The following EFCAB7 variants were observed in gnomAD, a reference collection of about 807,000 sequenced individuals.
EFCAB7 encodes the protein EF-hand calcium binding domain 7.
Under a neutral mutation model 77.1 loss-of-function variants are expected in EFCAB7, and 66 were observed. The ratio of observed to expected loss-of-function variants is 0.86; its 90% CI spans 0.70 to 1.05. The LOEUF (loss-of-function observed/expected upper bound fraction) is 1.05, where lower values mean the gene tolerates loss of function less well. Ranked by LOEUF, EFCAB7 falls within the 50% of genes least tolerant of loss-of-function variation. EFCAB7 has a pLI of 0.00. For synonymous variants in EFCAB7, 225 were observed against 243.3 expected, an observed-to-expected ratio of 0.92 and a Z score of 0.70; for missense variants, 638 against 730.5, an observed-to-expected ratio of 0.87 and a Z score of 1.46.
chr1:63,537,092 A>G (rs1646772139), intron 6 of EFCAB7, among the ~76,000 whole-genome samples: 1 of 152,236 alleles, frequency 6.6e-6, no homozygotes, highest in Non-Finnish European at 1.5e-5. Flanking sequence ...TAAGATCCTT[A>G]CAGGTACTAT....
chr1:63,561,072 C>G (rs958988555), intron 10 of EFCAB7, among the ~76,000 whole-genome samples: 1 of 152,194 alleles, frequency 6.6e-6, no homozygotes, highest in Non-Finnish European at 1.5e-5. Flanking sequence ...TGTCTAGATA[C>G]TTCTAGGTAA....
intron 10 of EFCAB7, among the ~76,000 whole-genome samples, chr1:63,559,339 T>C (rs1647067737): frequency 6.7e-6 from 1 of 148,308 alleles, no homozygotes. Context: ...AAATCTTCCA[T>C]ATATTCCTCC....
At chr1:63,532,876 T>G in intron 4 of EFCAB7, 120 bp downstream of exon 4, 1 of 713,190 alleles carries the variant, frequency 1.4e-6, no homozygotes, top group Admixed American at 3.4e-5. Flanking sequence ...TTGATATATG[T>G]ATACATTGTG....
chr1:63,556,477 T>C (rs1374526299), intron 9 of EFCAB7, among the ~76,000 whole-genome samples: 1 of 152,136 alleles, frequency 6.6e-6, no homozygotes, highest in Non-Finnish European at 1.5e-5. Context: ...CAAGTCAACT[T>C]CAGTCAAACA....
In EFCAB7 at chr1:63,534,790, C is replaced by T. The variant is rs190843147; in HGVS notation, c.804+574C>T. On this transcript the variant is annotated intron_variant, in intron 6 of 13. Coordinates refer to ENST00000371088, the MANE Select transcript of EFCAB7 (RefSeq NM_032437.4). ...AAATGGTTATGACCACATACTATAA[C>T]TGCTGTTAGAAAACTGAACTGATTG... Among the ~76,000 whole-genome samples the T allele has an allele frequency of 3.4e-3, 522 of 152,210 alleles. 2 individuals are homozygous for T. The highest frequency in any genetic ancestry group is 7.8e-3 in the Admixed American group (119 of 15,282).
chr1:63,551,925 C>G, intron 8 of EFCAB7, 91 bp downstream of exon 8: 1 of 627,858 alleles, frequency 1.6e-6, no homozygotes, highest in South Asian at 4.3e-5. Context: ...ATTTTTTAAG[C>G]TTTCATATAC....
In EFCAB7 at chr1:63,560,807, C is replaced by T. The variant is rs374867329; in HGVS notation, c.1349-902C>T. Among the ~76,000 whole-genome samples, 10 of 152,310 alleles carry T rather than the reference C, an allele frequency of 6.6e-5. No individual in the cohort carries two copies. The East Asian group carries it at 1.9e-3, about 29-fold the overall frequency. On this transcript the variant is annotated intron_variant, in intron 10 of 13. Coordinates refer to ENST00000371088, the MANE Select transcript of EFCAB7 (RefSeq NM_032437.4). ...AAAGTGCTGGGATTACAGGCGTGAG[C>T]CACCGTGCCCGGCTTCTAAATGTTT...
intron 10 of EFCAB7, among the ~76,000 whole-genome samples, chr1:63,558,757 G>A (rs1021350363): frequency 6.6e-6 from 1 of 151,718 alleles, no homozygotes; most frequent in African/African-American, 2.4e-5. Context: ...GCTTTATTTT[G>A]TTTATTTATT....
intron 11 of EFCAB7, among the ~76,000 whole-genome samples, chr1:63,566,156 C>G (rs1308766493): frequency 2.0e-5 from 3 of 152,182 alleles, no homozygotes; most frequent in Non-Finnish European, 4.4e-5. Flanking sequence ...CCATGGGATA[C>G]TATACAGCCA....
chr1:63,532,007 T>C lies in EFCAB7; in HGVS notation c.375T>C (p.Thr125=), dbSNP rs1197058990. ...DVNDDGCILH[T]DLYKFLTKRG... ...ATGATGATGGCTGTATTTTACACAC[T>C]GACCTTTATAAATTTCTAACAAAGG... Residue 125 remains threonine (T), a synonymous_variant, in exon 3 of 14, where the codon ACT becomes ACC. Coordinates refer to ENST00000371088, the MANE Select transcript of EFCAB7 (RefSeq NM_032437.4). The C allele has an allele frequency of 6.2e-7, 1 of 1,609,704 alleles. No individual in the cohort carries two copies. Among genetic ancestry groups the C allele is most frequent in the African/African-American group, 1.3e-5 (1 of 74,700 alleles).
chr1:63,531,973 T>G lies in EFCAB7; in HGVS notation c.341T>G (p.Leu114Ter), dbSNP rs774230842. 6.8e-6 allele frequency: 11 copies of G among 1,612,384 alleles called. No homozygotes were observed. Among genetic ancestry groups the G allele is most frequent in the Non-Finnish European group, 9.3e-6 (11 of 1,178,960 alleles). Residue 114 changes from leucine to a stop codon, truncating the protein, a stop_gained, in exon 3 of 14, where the codon TTA (leucine) becomes TGA (stop). Transcript: ENST00000371088. LOFTEE classifies it high-confidence loss of function. Reference sequence around the variant, plus strand: ...GAACTACTAAAATCATTTAAGCAATTAGATGTAAATGATGATGGCTGTATT... The same window carrying G: ...GAACTACTAAAATCATTTAAGCAATGAGATGTAAATGATGATGGCTGTATT... The part of the protein sequence containing the change: ...KAELLKSFKQ[L>*]DVNDDGCILH...
In EFCAB7 at chr1:63,562,448, TTTATATATATATATATATATATA is replaced by T. The variant is rs1557687194; in HGVS notation, c.1497+593_1497+615del. Among the ~76,000 whole-genome samples, 237 of 44,882 alleles carry T rather than the reference TTTATATATATATATATATATATA, an allele frequency of 5.3e-3. 2 individuals carry two copies. Among genetic ancestry groups the T allele is most frequent in the East Asian group, 0.047 (75 of 1,586 alleles). The allele number at this position is 44,882 out of a possible 152,430, so 29.4% of individuals were successfully genotyped here. On this transcript the variant is annotated intron_variant, in intron 11 of 13. Transcript: ENST00000371088. ...TTAAAAATTAGGCCTTCTTAATTTA[TTTATATATATATATATATATATA>T]TATATATATATATATATATATATAA...
intron 8 of EFCAB7, among the ~76,000 whole-genome samples, chr1:63,553,422 C>G (rs12117543): frequency 0.15 from 23,408 of 152,052 alleles, 2,244 homozygotes; most frequent in South Asian, 0.22. Context: ...TCACTGCAAC[C>G]TCCGCCTCCC....
At chr1:63,573,680 T>C (rs533468954), downstream of EFCAB7, among the ~76,000 whole-genome samples, 4 of 152,206 alleles carry the variant, frequency 2.6e-5, no homozygotes, top group South Asian at 6.2e-4. Flanking sequence ...GACAAGTTTT[T>C]TGGGGCACAG....
At chr1:63,580,197 C>T in the EFCAB7 span, among the ~76,000 whole-genome samples, 2 of 152,178 alleles carry the variant, frequency 1.3e-5, no homozygotes, top group Non-Finnish European at 2.9e-5. Context: ...TATAGTTTTA[C>T]TTCATACATT....
At chr1:63,535,830 A>G (rs889562027) in intron 6 of EFCAB7, among the ~76,000 whole-genome samples, 1 of 152,040 alleles carries the variant, frequency 6.6e-6, no homozygotes, top group Non-Finnish European at 1.5e-5. Flanking sequence ...CTTGTATGGG[A>G]ACGACATGAT....
chr1:63,572,292 T>C lies in EFCAB7; in HGVS notation c.1816-150T>C, dbSNP rs1647284890. ...ATCCTGTTAGACCTCAGATCATAGA[T>C]TGCTAGTCTCTGCTAAGGACAAATA... On this transcript the variant is annotated intron_variant, in intron 13 of 13. Coordinates refer to ENST00000371088, the MANE Select transcript of EFCAB7 (RefSeq NM_032437.4). 7 of 537,378 alleles carry C rather than the reference T, an allele frequency of 1.3e-5. No individual in the cohort carries two copies. In the South Asian group the frequency reaches 2.0e-4, roughly 16 times the overall value. The allele number at this position is 537,378 out of a possible 1,614,324, so 33.3% of individuals were successfully genotyped here. A position where few individuals can be genotyped will look rare whatever the true frequency, so the allele number is the denominator to read the frequency against.
rs569331924 is a variant in EFCAB7 at position 63,563,429 on chromosome 1, T to G, written c.1497+1572T>G. Among the ~76,000 whole-genome samples the G allele has an allele frequency of 3.3e-5, 5 of 152,356 alleles. No homozygotes were observed. The East Asian group carries it at 9.6e-4, about 29-fold the overall frequency. On this transcript the variant is annotated intron_variant, in intron 11 of 13. Transcript: ENST00000371088. Reference sequence around the variant, plus strand: ...AGAGCTATGCTGATCAGGCACAGTCTCTCGGCTAAGAGCAGAATGCTCATT... The same window carrying G: ...AGAGCTATGCTGATCAGGCACAGTCGCTCGGCTAAGAGCAGAATGCTCATT...
the EFCAB7 span, among the ~76,000 whole-genome samples, chr1:63,580,015 A>G: frequency 6.6e-6 from 1 of 152,108 alleles, no homozygotes; most frequent in East Asian, 1.9e-4. Flanking sequence ...TCTTCTGTAG[A>G]TAGTCTTTTT....
Sources: gnomAD v4.1 joint callset for allele counts (sites outside exome capture counted in the v4.1 genomes callset) on GRCh38, gnomAD v4.1.1 for gene constraint, MANE v1.5 for transcripts, NCBI Gene and HGNC (gene_info 2026-07-23, HGNC 2026-07-21) for gene names.